The following ANO2 variants were observed in gnomAD, a reference collection of about 807,000 sequenced individuals.
ANO2 encodes the protein anoctamin 2.
A neutral mutation model predicts 124.2 loss-of-function variants in ANO2; 101 were observed. The observed-to-expected ratio is 0.81, with a 90% CI of 0.69 to 0.96. The LOEUF is 0.96. Among genes scored for constraint, ANO2 ranks in the 40% least tolerant of loss-of-function variants. ANO2 has a pLI of 0.00. For synonymous variants in ANO2, 486 were observed against 482.5 expected, an observed-to-expected ratio of 1.01 and a Z score of -0.09; for missense variants, 1,293 against 1,274.5, an observed-to-expected ratio of 1.01 and a Z score of -0.22.
chr12:5,810,481 C>T (rs772609752), intron 7 of ANO2, among the ~76,000 whole-genome samples: 43 of 152,160 alleles, frequency 2.8e-4, no homozygotes, highest in Admixed American at 3.9e-4. Context: ...ATGCGCCATC[C>T]ATCTGGCCAT....
At chr12:5,755,549 T>TC (rs1386609419) in intron 10 of ANO2, among the ~76,000 whole-genome samples, 1 of 151,928 alleles carries the variant, frequency 6.6e-6, no homozygotes. Flanking sequence ...ATGCTATCCC[T>TC]CCCCCCTCTC....
chr12:5,678,821 G>A (rs1283196044), intron 14 of ANO2, among the ~76,000 whole-genome samples: 1 of 152,228 alleles, frequency 6.6e-6, no homozygotes, highest in Non-Finnish European at 1.5e-5. Context: ...TTGGAAAGCA[G>A]ATAAAACACT....
At chr12:5,675,716 A>G (rs1278303374) in intron 14 of ANO2, among the ~76,000 whole-genome samples, 1 of 152,206 alleles carries the variant, frequency 6.6e-6, no homozygotes, top group African/African-American at 2.4e-5. Flanking sequence ...TCCAAGACCC[A>G]GCTCTGTCAT....
intron 13 of ANO2, 71 bp downstream of exon 13, chr12:5,739,246 G>A: frequency 7.5e-7 from 1 of 1,328,548 alleles, no homozygotes; most frequent in South Asian, 1.3e-5. Context: ...TCACTCAAGA[G>A]AGTCCATTTC....
Position 5,732,625 on chromosome 12 carries a change from A to G in ANO2, c.1440T>C (p.His480=). The change falls in exon 14 of 25, where the codon CAT becomes CAC. Residue 480 remains histidine, a synonymous_variant. Transcript: ENST00000682330. The stretch of plus-strand genomic sequence containing the variant: ...CTTTGGTTTCATACTCAGGCCTGGA[A>G]TGTTCCTAAACCAAAGAGCAGTGAG... The part of the protein sequence containing the change: ...DLTGIEEEEE[H]SRPEYETKVR... 1 of 1,613,390 alleles carries G rather than the reference A, an allele frequency of 6.2e-7. No homozygotes were observed. The highest frequency in any genetic ancestry group is 8.5e-7 in the Non-Finnish European group (1 of 1,179,552).
chr12:5,669,585 G>A (rs1482922623), intron 14 of ANO2, among the ~76,000 whole-genome samples: 3 of 152,152 alleles, frequency 2.0e-5, no homozygotes, highest in African/African-American at 4.8e-5. Context: ...GAATAGGAGC[G>A]GTGAAAGAGG....
chr12:5,630,853 A>G (rs1945683877), intron 16 of ANO2, among the ~76,000 whole-genome samples: 1 of 152,228 alleles, frequency 6.6e-6, no homozygotes, highest in African/African-American at 2.4e-5. Flanking sequence ...GTACTTTAAC[A>G]AATTTTCCAA....
chr12:5,856,765 C>T (rs764414386), intron 3 of ANO2: 2 of 152,178 alleles, frequency 1.3e-5, no homozygotes, highest in Non-Finnish European at 2.9e-5. Flanking sequence ...TAGATTTTTA[C>T]GTGAAAGATA....
chr12:5,720,986 G>A (rs749681116), intron 14 of ANO2, among the ~76,000 whole-genome samples: 11 of 152,202 alleles, frequency 7.2e-5, no homozygotes, highest in South Asian at 4.1e-4. Flanking sequence ...CTTGGGATGC[G>A]TAATTCACAG....
At chr12:5,921,783 T>C (rs1340289119) in intron 2 of ANO2, among the ~76,000 whole-genome samples, 1 of 152,128 alleles carries the variant, frequency 6.6e-6, no homozygotes, top group African/African-American at 2.4e-5. Flanking sequence ...CCAGCACTCC[T>C]GCACCATACA....
chr12:5,852,068 T>C, intron 4 of ANO2: 1 of 695,290 alleles, frequency 1.4e-6, no homozygotes, highest in Non-Finnish European at 2.6e-6. Flanking sequence ...AGGAGAATAA[T>C]ATATTGGAGT....
At chr12:5,603,036 G>A (rs1323333357) in intron 19 of ANO2, among the ~76,000 whole-genome samples, 1 of 152,178 alleles carries the variant, frequency 6.6e-6, no homozygotes, top group Admixed American at 6.5e-5. Flanking sequence ...CCTGGAGGAT[G>A]AATTTCACCA....
chr12:5,827,758 G>A lies in ANO2; in HGVS notation c.892+11C>T. ...CCCGTCAGCACCCTGCCCGCGGGCT[G>A]GGGTCCTTACCCATCGTGTTGTTGG... is the stretch of plus-strand genomic sequence containing the variant. On this transcript the variant is annotated intron_variant, in intron 7 of 24. Coordinates refer to ENST00000682330, the MANE Select transcript of ANO2 (RefSeq NM_001364791.2). 2 of 1,608,654 alleles carry A rather than the reference G, an allele frequency of 1.2e-6. No homozygotes were observed. The highest frequency in any genetic ancestry group is 1.1e-5 in the South Asian group (1 of 89,796).
chr12:5,888,800 T>G (rs539361692), intron 3 of ANO2, among the ~76,000 whole-genome samples: 147 of 152,302 alleles, frequency 9.7e-4, no homozygotes, highest in African/African-American at 3.5e-3. Context: ...GTTCTCCAAG[T>G]CCCCACCAGA....
intron 17 of ANO2, among the ~76,000 whole-genome samples, chr12:5,614,974 G>A (rs975881772): frequency 1.3e-5 from 2 of 152,222 alleles, no homozygotes; most frequent in African/African-American, 4.8e-5. Context: ...CCAAATCCCT[G>A]TAAAGTGCCA....
intron 1 of ANO2, among the ~76,000 whole-genome samples, chr12:5,943,405 G>A (rs1942973357): frequency 1.3e-5 from 2 of 152,130 alleles, no homozygotes; most frequent in African/African-American, 4.8e-5. Flanking sequence ...AAGTAACTCA[G>A]GAATGGGTAA....
chr12:5,932,922 G>C (rs1193559406), intron 1 of ANO2, among the ~76,000 whole-genome samples: 1 of 152,122 alleles, frequency 6.6e-6, no homozygotes, highest in Non-Finnish European at 1.5e-5. Context: ...ATCTACCAAT[G>C]GGCAAAGGAG....
At chr12:5,649,777 T>C (rs1591818064) in intron 14 of ANO2, among the ~76,000 whole-genome samples, 1 of 121,864 alleles carries the variant, frequency 8.2e-6, no homozygotes, top group African/African-American at 3.3e-5. Flanking sequence ...CAGCTAAGTT[T>C]GTGCATGTGT....
upstream of ANO2, chr12:5,945,273 C>A: frequency 7.9e-7 from 1 of 1,260,348 alleles, no homozygotes; most frequent in Non-Finnish European, 1.0e-6. Context: ...CAGGCTTATG[C>A]CGCCGCGGGG....
Sources: allele counts gnomAD v4.1 joint callset (sites outside exome capture counted in the v4.1 genomes callset), GRCh38; gene constraint gnomAD v4.1.1; transcripts MANE v1.5; gene names NCBI Gene and HGNC (gene_info 2026-07-23, HGNC 2026-07-21).